The following CMKLR2 variants were observed in gnomAD, a reference collection of about 807,000 sequenced individuals.
CMKLR2 encodes the protein chemerin-like receptor 2.
CMKLR2 carries 18 observed loss-of-function variants against 23.0 expected under a neutral mutation model. The ratio of observed to expected loss-of-function variants is 0.78; its 90% CI spans 0.54 to 1.16. The LOEUF (loss-of-function observed/expected upper bound fraction) is 1.16. Among genes scored for constraint, CMKLR2 ranks in the 50% most tolerant of loss-of-function variants. CMKLR2 has a pLI of 0.00. For missense variants in CMKLR2, 401 were observed against 412.7 expected (o/e 0.97, Z 0.25); for synonymous variants, 158 against 158.9 (o/e 0.99, Z 0.05).
intron 1 of CMKLR2, among the ~76,000 whole-genome samples, chr2:206,187,174 C>A (rs1688606617): frequency 6.6e-6 from 1 of 152,108 alleles, no homozygotes; most frequent in African/African-American, 2.4e-5. Context: ...TGGGAAAACC[C>A]CATCTCTACT....
At chr2:206,214,165 A>ATTTTTTTTTTTTTTTTTTTTT (rs34307347), upstream of CMKLR2, among the ~76,000 whole-genome samples, 1 of 64,938 alleles carries the variant, frequency 1.5e-5, no homozygotes, top group Admixed American at 2.4e-4. Flanking sequence ...TAAAGACTTG[A>ATTTTTTTTTTTTTTTTTTTTT]TTTTTTTTTT....
chr2:206,186,354 G>C (rs887003800), intron 1 of CMKLR2, among the ~76,000 whole-genome samples: 2 of 152,098 alleles, frequency 1.3e-5, no homozygotes, highest in African/African-American at 4.8e-5. Context: ...CTTGTGATCC[G>C]CCTGCCTCGG....
At position 206,176,499 on chromosome 2, in the gene CMKLR2, A is replaced by G; in HGVS notation, c.749T>C (p.Val250Ala). Residue 250 changes from valine to alanine, a missense_variant, in exon 2 of 2, where the codon GTT (valine) becomes GCT (alanine). Transcript: ENST00000621141. ...GCAAACCACAAAGGCCACAACCACA[A>G]CCAGAATTGTCCAGAAATGCCTACT... The part of the protein sequence containing the change: ...ISSRHFWTIL[V>A]VVVAFVVCWT... 1 of 1,614,212 alleles carries G rather than the reference A, an allele frequency of 6.2e-7. No individual in the cohort carries two copies. Among genetic ancestry groups the G allele is most frequent in the African/African-American group, 1.3e-5 (1 of 75,058 alleles).
In CMKLR2 at chr2:206,176,852, G is replaced by A. The variant is rs1366506728; in HGVS notation, c.396C>T (p.Ser132=). 1.9e-6 allele frequency: 3 copies of A among 1,614,064 alleles called. No individual in the cohort carries two copies. Among genetic ancestry groups the A allele is most frequent in the East Asian group, 2.2e-5 (1 of 44,900 alleles). ...FASVFFLTVI[S]LDHYIHLIHP... ...GGATCAAGTGGATATAGTGGTCCAGGCTGATCACTGTCAGGAAAAAAACAC... is the reference window on the plus strand; with the variant it reads ...GGATCAAGTGGATATAGTGGTCCAGACTGATCACTGTCAGGAAAAAAACAC... Residue 132 remains serine (S), a synonymous_variant, in exon 2 of 2, where the codon AGC becomes AGT. Transcript: ENST00000621141.
intron 1 of CMKLR2, among the ~76,000 whole-genome samples, chr2:206,209,172 T>C (rs140475803): frequency 2.3e-3 from 344 of 152,048 alleles, no homozygotes; most frequent in African/African-American, 7.8e-3. Context: ...ACTCCGTTTC[T>C]ACTAAAAATA....
Position 206,177,033 on chromosome 2 carries a change from G to C in CMKLR2, c.215C>G (p.Thr72Ser), listed in dbSNP as rs1373055371. The C allele has an allele frequency of 6.2e-7, 1 of 1,614,084 alleles. No individual in the cohort carries two copies. Among genetic ancestry groups the C allele is most frequent in the East Asian group, 2.2e-5 (1 of 44,892 alleles). Reference protein sequence around the residue: ...FTGFKWKKTVTTLWFLNLAIA... With the variant: ...FTGFKWKKTVSTLWFLNLAIA... Reference sequence around the variant, plus strand: ...GGCTAGATTGAGGAACCACAGAGTGGTGACTGTCTTCTTCCACTTGAACCC... The same window carrying C: ...GGCTAGATTGAGGAACCACAGAGTGCTGACTGTCTTCTTCCACTTGAACCC... The change falls in exon 2 of 2, where the codon ACC (threonine) becomes AGC (serine). Residue 72 changes from threonine (T) to serine (S), a missense_variant. By Grantham distance (58) the Thr-to-Ser change is moderately conservative. Coordinates refer to ENST00000621141, the MANE Select transcript of CMKLR2 (RefSeq NM_001389445.1).
intron 1 of CMKLR2, among the ~76,000 whole-genome samples, chr2:206,178,476 A>C (rs567952959): frequency 6.6e-6 from 1 of 152,354 alleles, no homozygotes; most frequent in South Asian, 2.1e-4. Flanking sequence ...CTTCTCATCC[A>C]AAAGGTAGCT....
intron 1 of CMKLR2, among the ~76,000 whole-genome samples, chr2:206,201,551 G>C (rs1466449835): frequency 2.6e-5 from 4 of 152,042 alleles, no homozygotes; most frequent in Admixed American, 6.6e-5. Flanking sequence ...TTAGTGCCCT[G>C]TGAAGACCTG....
intron 1 of CMKLR2, among the ~76,000 whole-genome samples, chr2:206,204,319 A>G (rs1322468747): frequency 7.0e-6 from 1 of 142,032 alleles, no homozygotes; most frequent in African/African-American, 2.6e-5. Context: ...GCACCACTGC[A>G]CTCCAGCCTG....
chr2:206,213,917 A>ATGTG (rs1689660030), upstream of CMKLR2, among the ~76,000 whole-genome samples: 1 of 150,770 alleles, frequency 6.6e-6, no homozygotes. Context: ...GCAATGGCAC[A>ATGTG]ATCTCGGCTC....
At chr2:206,200,043 CT>C (rs1260050697) in intron 1 of CMKLR2, among the ~76,000 whole-genome samples, 4 of 152,216 alleles carry the variant, frequency 2.6e-5, no homozygotes, top group Admixed American at 2.0e-4. Context: ...CTTAATCTTT[CT>C]TTCATAGTTG....
chr2:206,176,237 A>G lies in CMKLR2; in HGVS notation c.1011T>C (p.Ser337=). The stretch of plus-strand genomic sequence containing the variant: ...TGGTTTCTGAGTTCCTGAGCTGTTC[A>G]CTCACTGTGCCAGAACAGCTGACTT... The part of the protein sequence containing the change: ...LWEVSCSGTV[S]EQLRNSETKN... The change falls in exon 2 of 2, where the codon AGT becomes AGC. Residue 337 remains serine, a synonymous_variant. Coordinates refer to ENST00000621141, the MANE Select transcript of CMKLR2 (RefSeq NM_001389445.1). 6.2e-7 allele frequency: 1 copy of G among 1,614,136 alleles called. No individual in the cohort carries two copies. Among genetic ancestry groups the G allele is most frequent in the Non-Finnish European group, 8.5e-7 (1 of 1,180,022 alleles).
chr2:206,184,981 A>AACTT (rs2105807274), intron 1 of CMKLR2, among the ~76,000 whole-genome samples: 2 of 152,008 alleles, frequency 1.3e-5, no homozygotes, highest in South Asian at 4.1e-4. Flanking sequence ...GGTGGTTTTT[A>AACTT]ACTTTCTTTC....
chr2:206,194,065 G>A (rs960342395), intron 1 of CMKLR2, among the ~76,000 whole-genome samples: 3 of 152,164 alleles, frequency 2.0e-5, no homozygotes, highest in Admixed American at 1.3e-4. Flanking sequence ...CTAAAGGGGA[G>A]GGAACAGTAA....
rs771786296 is a variant in CMKLR2 at position 206,176,868 on chromosome 2, A to T, written c.380T>A (p.Phe127Tyr). The change falls in exon 2 of 2, where the codon TTC (phenylalanine) becomes TAC (tyrosine). Residue 127 changes from phenylalanine (F) to tyrosine (Y), a missense_variant. Phe to Tyr is a conservative substitution (Grantham distance 22). Coordinates refer to ENST00000621141, the MANE Select transcript of CMKLR2 (RefSeq NM_001389445.1). ...GTGGTCCAGGCTGATCACTGTCAGG[A>T]AAAAAACACTGGCAAACATGTTCAA... ...AQLNMFASVFFLTVISLDHYI... is the reference protein window; with the variant it reads ...AQLNMFASVFYLTVISLDHYI... The T allele has an allele frequency of 2.5e-6, 4 of 1,614,050 alleles. No homozygotes were observed. In the Admixed American group the frequency reaches 5.0e-5, roughly 20 times the overall value.
At chr2:206,213,202 GGTAGTTA>G (rs1360261313) in intron 1 of CMKLR2, 98 bp downstream of exon 1, 3 of 152,094 alleles carry the variant, frequency 2.0e-5, no homozygotes, top group Non-Finnish European at 4.4e-5. Flanking sequence ...TTTGCCAGCT[GGTAGTTA>G]GTCAAATGCT....
At chr2:206,190,794 C>T (rs781413658) in intron 1 of CMKLR2, among the ~76,000 whole-genome samples, 7 of 152,144 alleles carry the variant, frequency 4.6e-5, no homozygotes, top group African/African-American at 1.2e-4. Context: ...ATGCTGAGAT[C>T]GAATTCTTGT....
intron 1 of CMKLR2, among the ~76,000 whole-genome samples, chr2:206,200,855 T>C (rs1260363592): frequency 6.6e-6 from 1 of 152,256 alleles, no homozygotes; most frequent in Non-Finnish European, 1.5e-5. Context: ...ACTTTTAGAA[T>C]AATTTCTGTA....
At chr2:206,203,673 G>T (rs1432763565) in intron 1 of CMKLR2, 1 of 152,268 alleles carries the variant, frequency 6.6e-6, no homozygotes, top group Non-Finnish European at 1.5e-5. Flanking sequence ...TAAACCTGCA[G>T]TCTTGTAAGT....
Sources: allele counts gnomAD v4.1 joint callset (sites outside exome capture counted in the v4.1 genomes callset), GRCh38; gene constraint gnomAD v4.1.1; transcripts MANE v1.5; gene names NCBI Gene and HGNC (gene_info 2026-07-23, HGNC 2026-07-21).